COL4A4: variants seen among roughly 807,000 people sequenced by gnomAD.
COL4A4 encodes the protein collagen alpha-4(IV) chain.
A neutral mutation model predicts 192.9 loss-of-function variants in COL4A4; 105 were observed. The ratio of observed to expected loss-of-function variants is 0.54; its 90% CI spans 0.46 to 0.64. The LOEUF is 0.64. Ranked by LOEUF, COL4A4 falls within the 30% of genes least tolerant of loss-of-function variation. The pLI, the probability that COL4A4 is intolerant of heterozygous loss-of-function variation, is 0.00. For synonymous variants in COL4A4, 762 were observed against 769.9 expected (o/e 0.99, Z 0.17); for missense variants, 1,967 against 2,169.3 (o/e 0.91, Z 1.85).
intron 31 of COL4A4, among the ~76,000 whole-genome samples, chr2:227,052,897 T>C (rs1974434852): frequency 6.6e-6 from 1 of 152,178 alleles, no homozygotes; most frequent in African/African-American, 2.4e-5. Flanking sequence ...ACCGTACTTC[T>C]GCCTGATTTT....
At chr2:227,088,117 G>T (rs12618317) in intron 22 of COL4A4, among the ~76,000 whole-genome samples, 17,793 of 152,246 alleles carry the variant, frequency 0.12, 1,228 homozygotes, top group African/African-American at 0.19. Context: ...GTAAACGATG[G>T]ATGAATGGAT....
At chr2:226,974,729 G>A in the COL4A4 span, among the ~76,000 whole-genome samples, 4 of 152,244 alleles carry the variant, frequency 2.6e-5, no homozygotes, top group East Asian at 5.8e-4. Context: ...TTAGTGTCCC[G>A]CACCCAAGAG....
At chr2:227,106,909 G>T (rs2060880240) in intron 12 of COL4A4, among the ~76,000 whole-genome samples, 1 of 152,182 alleles carries the variant, frequency 6.6e-6, no homozygotes, top group South Asian at 2.1e-4. Flanking sequence ...CAATCTAAAA[G>T]AATTAAGGTA....
intron 44 of COL4A4, among the ~76,000 whole-genome samples, chr2:227,018,475 C>T (rs1482702740): frequency 6.6e-6 from 1 of 152,044 alleles, no homozygotes; most frequent in East Asian, 1.9e-4. Context: ...TAGACAAGGC[C>T]GAGGAATACA....
the COL4A4 span, among the ~76,000 whole-genome samples, chr2:226,967,788 TG>T: frequency 2.0e-5 from 3 of 151,984 alleles, no homozygotes; most frequent in African/African-American, 7.3e-5. Context: ...AGAGGGCTTT[TG>T]GGTTGTTGAA....
In COL4A4 at chr2:227,098,111, C is replaced by T. The variant is rs1191838838; in HGVS notation, c.1204+583G>A. On this transcript the variant is annotated intron_variant, in intron 19 of 47. Coordinates refer to ENST00000396625, the MANE Select transcript of COL4A4 (RefSeq NM_000092.5). The stretch of plus-strand genomic sequence containing the variant: ...CATTTTCTTATTTTTGTTTTTGACG[C>T]GAGGGAAGAAGACTTTTTTAAAGTA... Among the ~76,000 whole-genome samples the T allele has an allele frequency of 9.2e-5, 14 of 151,984 alleles. No homozygotes were observed. In the East Asian group the frequency reaches 1.7e-3, roughly 19 times the overall value.
chr2:227,153,276 A>G (rs1199103916), intron 1 of COL4A4, among the ~76,000 whole-genome samples: 1 of 152,216 alleles, frequency 6.6e-6, no homozygotes, highest in Admixed American at 6.5e-5. Flanking sequence ...ATATCATAAC[A>G]GCAACAAGCC....
chr2:227,111,281 A>C (rs2061191771), intron 9 of COL4A4, among the ~76,000 whole-genome samples: 1 of 152,222 alleles, frequency 6.6e-6, no homozygotes, highest in Admixed American at 6.5e-5. Flanking sequence ...CACCAGGCAA[A>C]ATGGTAGCGA....
intron 3 of COL4A4, among the ~76,000 whole-genome samples, chr2:227,143,682 A>T (rs908813632): frequency 2.0e-5 from 3 of 152,278 alleles, no homozygotes; most frequent in Non-Finnish European, 4.4e-5. Flanking sequence ...AATAGAAAAA[A>T]TACACATGTA....
At chr2:227,061,705 GAAAC>G (rs1454812083) in intron 26 of COL4A4, among the ~76,000 whole-genome samples, 5 of 152,098 alleles carry the variant, frequency 3.3e-5, no homozygotes, top group African/African-American at 1.2e-4. Flanking sequence ...GAACTCTAAA[GAAAC>G]AAAGAAGAGT....
chr2:227,127,829 G>T (rs751346547), intron 4 of COL4A4, among the ~76,000 whole-genome samples: 21 of 152,158 alleles, frequency 1.4e-4, no homozygotes, highest in Non-Finnish European at 2.4e-4. Flanking sequence ...TAGCCAGAAG[G>T]TATAAATAAA....
At chr2:227,101,303 T>C (rs555729705) in intron 17 of COL4A4, among the ~76,000 whole-genome samples, 1 of 152,310 alleles carries the variant, frequency 6.6e-6, no homozygotes, top group South Asian at 2.1e-4. Context: ...CCTCTTTCTT[T>C]TGTAAATTGT....
At chr2:227,129,015 G>C (rs56047150) in intron 4 of COL4A4, among the ~76,000 whole-genome samples, 15,118 of 151,996 alleles carry the variant, frequency 0.099, 1,157 homozygotes, top group African/African-American at 0.21. Context: ...CTCAAATTCT[G>C]CCATCCCTCC....
At chr2:227,128,537 C>T (rs555660937) in intron 4 of COL4A4, among the ~76,000 whole-genome samples, 2 of 152,286 alleles carry the variant, frequency 1.3e-5, no homozygotes, top group South Asian at 4.1e-4. Flanking sequence ...CCTCTGCCTC[C>T]TCCTTCCCTG....
chr2:227,013,694 T>C (rs1372152468), intron 44 of COL4A4, among the ~76,000 whole-genome samples: 2 of 152,356 alleles, frequency 1.3e-5, no homozygotes, highest in Non-Finnish European at 1.5e-5. Flanking sequence ...GTGTCAGTGA[T>C]ACTTTGTTGT....
intron 46 of COL4A4, among the ~76,000 whole-genome samples, chr2:227,009,773 G>C (rs1426123982): frequency 2.1e-5 from 3 of 144,514 alleles, no homozygotes; most frequent in African/African-American, 7.7e-5. Context: ...GAGGGGAGGG[G>C]AAGGTAGGGG....
chr2:227,126,892 A>T (rs2125106964), intron 4 of COL4A4, among the ~76,000 whole-genome samples: 1 of 152,338 alleles, frequency 6.6e-6, no homozygotes, highest in Non-Finnish European at 1.5e-5. Flanking sequence ...ATGTAGGCTT[A>T]CTTTTTCATA....
At chr2:227,143,992 A>C (rs906991997) in intron 3 of COL4A4, among the ~76,000 whole-genome samples, 2 of 152,226 alleles carry the variant, frequency 1.3e-5, no homozygotes, top group Non-Finnish European at 2.9e-5. Flanking sequence ...TCCAAGGTGG[A>C]GAGTATGAAC....
At chr2:227,077,253 T>G (rs1262163381) in intron 25 of COL4A4, among the ~76,000 whole-genome samples, 1 of 152,120 alleles carries the variant, frequency 6.6e-6, no homozygotes, top group Non-Finnish European at 1.5e-5. Flanking sequence ...TGCCCATCAA[T>G]GATAGACTGG....
Sources: allele counts gnomAD v4.1 joint callset (sites outside exome capture counted in the v4.1 genomes callset), GRCh38; gene constraint gnomAD v4.1.1; transcripts MANE v1.5; gene names NCBI Gene and HGNC (gene_info 2026-07-23, HGNC 2026-07-21).